Variants in MAN1C1 observed in about 807,000 individuals in gnomAD.
MAN1C1 encodes mannosyl-oligosaccharide 1,2-alpha-mannosidase IC.
MAN1C1 carries 49 observed loss-of-function variants against 71.5 expected under a neutral mutation model. The ratio of observed to expected loss-of-function variants is 0.69; its 90% confidence interval spans 0.54 to 0.87. The LOEUF (loss-of-function observed/expected upper bound fraction) is 0.87, where lower values mean the gene tolerates loss of function less well. MAN1C1 is among the 40% of genes least tolerant of loss of function. MAN1C1 has a pLI of 0.00. For missense variants in MAN1C1, 743 were observed against 835.0 expected (o/e 0.89, Z 1.36); for synonymous variants, 352 against 343.7 (o/e 1.02, Z -0.27).
chr1:25,617,860 G>C lies in MAN1C1; in HGVS notation c.63G>C (p.Gln21His). 2 of 1,607,104 alleles carry C rather than the reference G, an allele frequency of 1.2e-6. No individual in the cohort carries two copies. Among genetic ancestry groups the C allele is most frequent in the Non-Finnish European group, 1.7e-6 (2 of 1,177,634 alleles). Residue 21 changes from glutamine to histidine, a missense_variant, in exon 1 of 12, where the codon CAG (glutamine) becomes CAC (histidine). Transcript: ENST00000374332. The surrounding 1 kb of genome is among the most constrained non-coding windows in gnomAD (Gnocchi z 5.1). ...PASPWGLRLP[Q>H]KFLFLLFLSG... ...CCCCGTGGGGGCTGCGGCTGCCGCA[G>C]AAGTTCCTCTTCCTCCTCTTCCTCT...
chr1:25,754,518 A>G (rs926996222), intron 5 of MAN1C1, among the ~76,000 whole-genome samples: 1 of 150,900 alleles, frequency 6.6e-6, no homozygotes, highest in African/African-American at 2.4e-5. Flanking sequence ...AACTCATTGG[A>G]ATCTCACCAT....
chr1:25,641,778 C>T (rs926124843), intron 1 of MAN1C1, among the ~76,000 whole-genome samples: 5 of 151,994 alleles, frequency 3.3e-5, no homozygotes, highest in Non-Finnish European at 7.4e-5. Flanking sequence ...AGACCTGCAC[C>T]GAAATTGAGT....
intron 1 of MAN1C1, among the ~76,000 whole-genome samples, chr1:25,672,172 C>T (rs2046001817): frequency 1.3e-5 from 2 of 152,126 alleles, no homozygotes; most frequent in Non-Finnish European, 2.9e-5. Flanking sequence ...GTTCTGATTC[C>T]AAGGGCAGGA....
chr1:25,772,106 A>G (rs2047562203), intron 8 of MAN1C1: 1 of 268,272 alleles, frequency 3.7e-6, no homozygotes, highest in South Asian at 5.1e-5. Flanking sequence ...TGGCTGATGT[A>G]TCAGAGCCCA....
rs1249110440 is a variant in MAN1C1, at chr1:25,775,991, A to T, written c.1258-2114A>T. On this transcript the variant is annotated intron_variant, in intron 8 of 11. Transcript: ENST00000374332. The surrounding 1 kb of genome is among the most constrained non-coding windows in gnomAD (Gnocchi z 5.1). Reference sequence around the variant, plus strand: ...AACTTCTGCCTCCTGGATTCAAGTGATTCTCCCACCTCAGCCTCCCAAGTA... The same window carrying T: ...AACTTCTGCCTCCTGGATTCAAGTGTTTCTCCCACCTCAGCCTCCCAAGTA... The T allele has an allele frequency of 6.6e-6, 1 of 152,036 alleles. No homozygotes were observed. Among genetic ancestry groups the T allele is most frequent in the Non-Finnish European group, 1.5e-5 (1 of 68,058 alleles). 9.4% of individuals were successfully genotyped at this position (152,036 alleles called of 1,614,324 possible).
intron 8 of MAN1C1, 33 bp downstream of exon 8, chr1:25,771,805 T>A (rs759409516): frequency 6.5e-7 from 1 of 1,546,672 alleles, no homozygotes; most frequent in Non-Finnish European, 8.9e-7. Flanking sequence ...CACAGGCCGC[T>A]GGTCACCAGC....
chr1:25,744,763 G>C lies in MAN1C1; in HGVS notation c.638-1905G>C, dbSNP rs1380105356. ...TCAGTCAACACAAGTGAGCAGTTAG[G>C]AAGCACTCATTAAGGAGATTAGAGG... On this transcript the variant is annotated intron_variant, in intron 2 of 11. Transcript: ENST00000374332. Among the ~76,000 whole-genome samples the C allele has an allele frequency of 2.0e-5, 3 of 152,188 alleles. No homozygotes were observed. In the East Asian group the frequency reaches 5.8e-4, roughly 29 times the overall value.
Position 25,783,768 on chromosome 1 carries a change from C to T in MAN1C1, c.1872C>T (p.Gly624=). ...PLPVNHSDSS[G]RAWGRH ...CGGTGAACCACTCAGACAGCTCCGG[C>T]AGAGCCTGGGGCAGACACTGACCCC... The change falls in exon 12 of 12, where the codon GGC becomes GGT. Residue 624 remains glycine, a synonymous_variant. Coordinates refer to ENST00000374332, the MANE Select transcript of MAN1C1 (RefSeq NM_020379.4). The T allele has an allele frequency of 6.2e-7, 1 of 1,611,974 alleles. No individual in the cohort carries two copies. Among genetic ancestry groups the T allele is most frequent in the South Asian group, 1.1e-5 (1 of 91,088 alleles).
intron 2 of MAN1C1, among the ~76,000 whole-genome samples, chr1:25,737,844 C>T (rs1340559634): frequency 1.3e-5 from 2 of 152,108 alleles, no homozygotes; most frequent in African/African-American, 4.8e-5. Context: ...GCATCCCAGG[C>T]AGAGGGACCC....
chr1:25,617,832 C>T lies in MAN1C1; in HGVS notation c.35C>T (p.Ala12Val), dbSNP rs377538428. 22 of 1,605,166 alleles carry T rather than the reference C, an allele frequency of 1.4e-5. No individual in the cohort carries two copies. The East Asian group carries it at 1.6e-4, about 12-fold the overall frequency. Residue 12 changes from alanine (A) to valine (V), a missense_variant, in exon 1 of 12, where the codon GCC (alanine) becomes GTC (valine). Ala to Val is a moderately conservative substitution (Grantham distance 64). Transcript: ENST00000374332. The surrounding 1 kb of genome is among the most constrained non-coding windows in gnomAD (Gnocchi z 5.1). ...AGGAAAGTGCCCGGCTTCGTCCCGG[C>T]CTCCCCGTGGGGGCTGCGGCTGCCG... ...LMRKVPGFVP[A>V]SPWGLRLPQK...
intron 1 of MAN1C1, among the ~76,000 whole-genome samples, chr1:25,676,299 T>C (rs992945012): frequency 2.0e-5 from 3 of 151,988 alleles, no homozygotes; most frequent in Non-Finnish European, 2.9e-5. Context: ...AACCCGAAAC[T>C]GAGAGGGTTG....
At chr1:25,654,043 A>G (rs2124077785) in intron 1 of MAN1C1, among the ~76,000 whole-genome samples, 1 of 152,284 alleles carries the variant, frequency 6.6e-6, no homozygotes, top group African/African-American at 2.4e-5. Flanking sequence ...CGGGACTGGG[A>G]AACCCTGATC....
intron 2 of MAN1C1, among the ~76,000 whole-genome samples, chr1:25,732,885 T>C (rs1047512246): frequency 6.6e-6 from 1 of 152,210 alleles, no homozygotes; most frequent in Non-Finnish European, 1.5e-5. Flanking sequence ...TCATTAATCT[T>C]GTTATCAGAG....
At position 25,766,132 on chromosome 1, in the gene MAN1C1, G is replaced by A. The variant is rs570166671; in HGVS notation, c.1141+2165G>A. Among the ~76,000 whole-genome samples the A allele has an allele frequency of 1.5e-4, 23 of 152,230 alleles. No individual in the cohort carries two copies. The South Asian group carries it at 3.9e-3, about 26-fold the overall frequency. On this transcript the variant is annotated intron_variant, in intron 7 of 11. Coordinates refer to ENST00000374332, the MANE Select transcript of MAN1C1 (RefSeq NM_020379.4). ...GGCAAATTATAAGGGAGCCCCTGCC[G>A]GGAAGCATAATTTTCTTCTCAGGCA...
intron 2 of MAN1C1, among the ~76,000 whole-genome samples, chr1:25,741,011 G>A (rs898043296): frequency 1.6e-4 from 25 of 152,096 alleles, no homozygotes; most frequent in African/African-American, 6.0e-4. Flanking sequence ...CACAGCTCTT[G>A]GGAGGAGGAC....
rs772886191 is a variant in MAN1C1, at chr1:25,783,890, G to A, written c.*101G>A. The A allele has an allele frequency of 5.9e-5, 85 of 1,438,916 alleles. No homozygotes were observed. The highest frequency in any genetic ancestry group is 7.5e-5 in the Non-Finnish European group (80 of 1,072,262). 89.1% of individuals were successfully genotyped at this position (1,438,916 alleles called of 1,614,324 possible). A position where few individuals can be genotyped will look rare whatever the true frequency, so the allele number is the denominator to read the frequency against. On this transcript the variant is annotated 3_prime_UTR_variant, in exon 12 of 12. Transcript: ENST00000374332. ...GGATTGGGAACGAAGGCCCCATCTCGGGCAGACCCCCAGCAGATGTGTCGG... is the reference window on the plus strand; with the variant it reads ...GGATTGGGAACGAAGGCCCCATCTCAGGCAGACCCCCAGCAGATGTGTCGG...
chr1:25,639,105 C>T (rs1228534839), intron 1 of MAN1C1, among the ~76,000 whole-genome samples: 1 of 152,066 alleles, frequency 6.6e-6, no homozygotes, highest in Non-Finnish European at 1.5e-5. Flanking sequence ...TTTAAGTTCA[C>T]TGAACGCTTC....
At position 25,778,466 on chromosome 1, in the gene MAN1C1, G is replaced by A. The variant is rs2047650909; in HGVS notation, c.1477+142G>A. The A allele has an allele frequency of 5.0e-6, 4 of 804,190 alleles. No individual in the cohort carries two copies. Among genetic ancestry groups the A allele is most frequent in the East Asian group, 2.7e-5 (1 of 36,382 alleles). 49.8% of individuals were successfully genotyped at this position (804,190 alleles called of 1,614,324 possible). A position where few individuals can be genotyped will look rare whatever the true frequency, so the allele number is the denominator to read the frequency against. Reference sequence around the variant, plus strand: ...GGAAGTTAAGTAGAATTTGAGAGAGGTACTCTCCAGGCTCCGAGACCATAC... The same window carrying A: ...GGAAGTTAAGTAGAATTTGAGAGAGATACTCTCCAGGCTCCGAGACCATAC... On this transcript the variant is annotated intron_variant, in intron 9 of 11. Transcript: ENST00000374332. This position sits in a 1 kb window ranked among gnomAD's most constrained non-coding sequence, Gnocchi z 5.5.
chr1:25,701,317 C>A (rs2124218517), intron 2 of MAN1C1, among the ~76,000 whole-genome samples: 1 of 152,322 alleles, frequency 6.6e-6, no homozygotes, highest in Admixed American at 6.5e-5. Context: ...AGTTCTAGTG[C>A]TGGGCAGGAA....
Sources: allele counts gnomAD v4.1 joint callset (sites outside exome capture counted in the v4.1 genomes callset), GRCh38; gene constraint gnomAD v4.1.1; non-coding constraint Gnocchi (gnomAD v3.1); transcripts MANE v1.5; gene names NCBI Gene and HGNC (gene_info 2026-07-23, HGNC 2026-07-21).